The following GRID2 variants were observed in gnomAD, a reference collection of about 807,000 sequenced individuals.
GRID2 encodes glutamate ionotropic receptor delta type subunit 2.
In GRID2, 33 loss-of-function variants were observed where a neutral mutation model predicts 114.8. The observed-to-expected ratio is 0.29, with a 90% CI of 0.22 to 0.38. The LOEUF is 0.38. Ranked by LOEUF, GRID2 falls within the 10% of genes least tolerant of loss-of-function variation. GRID2 has a pLI of 1.00. For missense variants in GRID2, 1,184 were observed against 1,257.7 expected (o/e 0.94, Z 0.89); for synonymous variants, 505 against 449.9 (o/e 1.12, Z -1.55).
At chr4:93,304,594 G>A (rs573565532) in intron 8 of GRID2, among the ~76,000 whole-genome samples, 5 of 152,162 alleles carry the variant, frequency 3.3e-5, no homozygotes, top group African/African-American at 1.2e-4. Context: ...AAAGAACATT[G>A]TTTTGTGTAC....
intron 12 of GRID2, among the ~76,000 whole-genome samples, chr4:93,495,353 G>T (rs985443249): frequency 6.6e-6 from 1 of 151,708 alleles, no homozygotes; most frequent in African/African-American, 2.4e-5. Context: ...ATTTTGAAAA[G>T]AAAATAATTA....
intron 2 of GRID2, among the ~76,000 whole-genome samples, chr4:92,830,507 T>C (rs1742031325): frequency 6.6e-6 from 1 of 152,168 alleles, no homozygotes. Flanking sequence ...TATTTTATCA[T>C]GAATAATTTT....
At position 92,695,057 on chromosome 4, in the gene GRID2, C is replaced by G. The variant is rs10031198; in HGVS notation, c.244+104771C>G. Among the ~76,000 whole-genome samples the G allele has an allele frequency of 1.4e-3, 212 of 152,236 alleles. 1 individual carries two copies. The highest frequency in any genetic ancestry group is 5.0e-3 in the African/African-American group (207 of 41,536). On this transcript the variant is annotated intron_variant, in intron 2 of 15. Transcript: ENST00000282020. ...TCTCGGCTCACTGCAACCCCTACTT[C>G]CCGGACTCAAGTGATCCTCCCACCT...
At chr4:93,253,003 A>C (rs1246293837) in intron 8 of GRID2, among the ~76,000 whole-genome samples, 2 of 151,890 alleles carry the variant, frequency 1.3e-5, no homozygotes, top group African/African-American at 4.8e-5. Context: ...TAATCCCAGC[A>C]CTTTGGGAGG....
intron 4 of GRID2, among the ~76,000 whole-genome samples, chr4:93,181,114 T>G (rs1322890529): frequency 1.3e-5 from 2 of 152,122 alleles, no homozygotes; most frequent in Non-Finnish European, 2.9e-5. Flanking sequence ...TGATAAGACT[T>G]AAAAGTTAAA....
chr4:92,744,006 C>A (rs1737022433), intron 2 of GRID2, among the ~76,000 whole-genome samples: 2 of 151,832 alleles, frequency 1.3e-5, no homozygotes, highest in East Asian at 3.9e-4. Context: ...TATTTTTTTT[C>A]TTTGTTTTCC....
chr4:93,174,665 C>A (rs766657467), intron 4 of GRID2, among the ~76,000 whole-genome samples: 25 of 152,090 alleles, frequency 1.6e-4, no homozygotes, highest in Admixed American at 3.9e-4. Flanking sequence ...TATAAGGACA[C>A]AGAGAGAAGG....
intron 10 of GRID2, among the ~76,000 whole-genome samples, chr4:93,423,446 C>T (rs1768531386): frequency 6.9e-6 from 1 of 145,248 alleles, no homozygotes; most frequent in African/African-American, 2.5e-5. Flanking sequence ...CTCCTAGGTT[C>T]GCGCCATTCT....
At chr4:92,837,586 A>G (rs1032195027) in intron 2 of GRID2, among the ~76,000 whole-genome samples, 3 of 152,070 alleles carry the variant, frequency 2.0e-5, no homozygotes, top group Admixed American at 1.3e-4. Flanking sequence ...ATAAGATGAA[A>G]AATATGAAAT....
At chr4:92,507,716 G>T (rs534315400) in intron 1 of GRID2, among the ~76,000 whole-genome samples, 1 of 151,560 alleles carries the variant, frequency 6.6e-6, no homozygotes, top group Non-Finnish European at 1.5e-5. Flanking sequence ...TGATGCAATA[G>T]CTTTATAACA....
Position 93,781,342 on chromosome 4 carries a change from C to CGCTGGGCTGCGGTG in GRID2, c.221+11892_221+11893insGCTGGGCTGCGGTG, listed in dbSNP as rs1399030535. On this transcript the variant is annotated intron_variant, in intron 1 of 1. Coordinates refer to the GRID2 transcript ENST00000637838. The stretch of plus-strand genomic sequence containing the variant: ...GATGCCACTGGGCTGCGGTGAGGCC[C>CGCTGGGCTGCGGTG]ACTGGGCTGCGGTGAGGGGCTGCGG... 2.5e-4 allele frequency among the ~76,000 whole-genome samples: 38 copies of CGCTGGGCTGCGGTG among 151,130 alleles called. 3 individuals carry two copies. Among genetic ancestry groups the CGCTGGGCTGCGGTG allele is most frequent in the East Asian group, 3.9e-4 (2 of 5,104 alleles).
At chr4:92,887,112 T>C (rs1193654829) in intron 2 of GRID2, among the ~76,000 whole-genome samples, 1 of 152,218 alleles carries the variant, frequency 6.6e-6, no homozygotes, top group Non-Finnish European at 1.5e-5. Flanking sequence ...GGTGTTTTGT[T>C]TTTTTGTTCA....
chr4:92,784,409 A>G (rs1253308685), intron 2 of GRID2, among the ~76,000 whole-genome samples: 2 of 151,962 alleles, frequency 1.3e-5, no homozygotes, highest in African/African-American at 4.8e-5. Context: ...ACATAATTTT[A>G]TAAATTATAC....
intron 2 of GRID2, among the ~76,000 whole-genome samples, chr4:92,913,805 G>A (rs1453063996): frequency 1.3e-5 from 2 of 151,640 alleles, no homozygotes; most frequent in African/African-American, 4.8e-5. Context: ...GTATACCAGA[G>A]ACAATAAATA....
intron 12 of GRID2, among the ~76,000 whole-genome samples, chr4:93,500,859 C>T (rs541871855): frequency 3.9e-5 from 6 of 152,130 alleles, no homozygotes; most frequent in African/African-American, 1.2e-4. Context: ...TCTCATAATA[C>T]ACAGCTCAAA....
chr4:92,659,068 T>A (rs752595987), intron 2 of GRID2, among the ~76,000 whole-genome samples: 2 of 133,684 alleles, frequency 1.5e-5, no homozygotes, highest in Non-Finnish European at 3.4e-5. Context: ...GATTACAATG[T>A]CATGTAGATG....
chr4:93,587,503 GGA>G (rs1473406807), intron 13 of GRID2, among the ~76,000 whole-genome samples: 3 of 151,918 alleles, frequency 2.0e-5, no homozygotes, highest in Non-Finnish European at 4.4e-5. Flanking sequence ...CATATTTGGG[GGA>G]GTTATTAAAT....
chr4:93,475,334 C>A (rs79400567), intron 11 of GRID2, among the ~76,000 whole-genome samples: 1 of 151,890 alleles, frequency 6.6e-6, no homozygotes, highest in Non-Finnish European at 1.5e-5. Flanking sequence ...CTGAAAATTA[C>A]GGAAGAAAAT....
intron 8 of GRID2, among the ~76,000 whole-genome samples, chr4:93,378,791 T>C (rs968704885): frequency 6.6e-6 from 1 of 152,116 alleles, no homozygotes; most frequent in African/African-American, 2.4e-5. Context: ...GTGCATCTGG[T>C]GCTCTATTCT....
Sources: allele counts gnomAD v4.1 joint callset (sites outside exome capture counted in the v4.1 genomes callset), GRCh38; gene constraint gnomAD v4.1.1; transcripts MANE v1.5; gene names NCBI Gene and HGNC (gene_info 2026-07-23, HGNC 2026-07-21).